Variants in SYN2 observed in about 807,000 individuals in gnomAD.
The protein encoded by SYN2 is synapsin-2.
SYN2 carries 19 observed loss-of-function variants against 50.9 expected under a neutral mutation model. That is an observed-to-expected ratio of 0.37 (90% CI 0.26 to 0.55). The LOEUF (loss-of-function observed/expected upper bound fraction) is 0.55, where lower values mean the gene tolerates loss of function less well. Ranked by LOEUF, SYN2 falls within the 20% of genes least tolerant of loss-of-function variation. SYN2 has a pLI of 0.81. For missense variants in SYN2, 587 were observed against 576.4 expected (o/e 1.02, Z -0.19); for synonymous variants, 255 against 224.9 (o/e 1.13, Z -1.20).
Position 12,191,959 on chromosome 3 carries a change from C to T in SYN2, c.*1334C>T, listed in dbSNP as rs1574901331. Among the ~76,000 whole-genome samples the T allele has an allele frequency of 6.6e-6, 1 of 152,134 alleles. No homozygotes were observed. Among genetic ancestry groups the T allele is most frequent in the Non-Finnish European group, 1.5e-5 (1 of 68,024 alleles). ...ACTCCCTGATACTCAAGTATATTTT[C>T]CCAAAGACCACGGATGCTGTGAAGA... On this transcript the variant is annotated 3_prime_UTR_variant, in exon 13 of 13. Transcript: ENST00000621198.
At chr3:12,027,166 A>G (rs574277549) in intron 1 of SYN2, among the ~76,000 whole-genome samples, 1 of 152,346 alleles carries the variant, frequency 6.6e-6, no homozygotes, top group Admixed American at 6.5e-5. Flanking sequence ...GTGAAAAATT[A>G]GAGTCAGCTT....
chr3:12,187,739 G>T lies in SYN2; in HGVS notation c.1613+127G>T, dbSNP rs111363783. 2,014 of 483,916 alleles carry T rather than the reference G, an allele frequency of 4.2e-3. 1 individual carries two copies. The highest frequency in any genetic ancestry group is 9.0e-3 in the Middle Eastern group (14 of 1,562). The allele number at this position is 483,916 out of a possible 1,614,324, so 30.0% of individuals were successfully genotyped here. On this transcript the variant is annotated intron_variant, in intron 12 of 12. Coordinates refer to ENST00000621198, the MANE Select transcript of SYN2 (RefSeq NM_133625.6). ...TACAGATATTTTGTGATGGGATTTGGTTTTTTTTTGTTAGTTTGTTTTTGG... is the reference window on the plus strand; with the variant it reads ...TACAGATATTTTGTGATGGGATTTGTTTTTTTTTTGTTAGTTTGTTTTTGG...
chr3:12,180,197 C>T lies in SYN2; in HGVS notation c.1309-3115C>T, dbSNP rs186921654. ...CTCCTGGGCTCAAGTGATCCACGCA[C>T]CTCGGCCTCCCACAGTGTTGGGATT... On this transcript the variant is annotated intron_variant, in intron 10 of 12. Coordinates refer to ENST00000621198, the MANE Select transcript of SYN2 (RefSeq NM_133625.6). Among the ~76,000 whole-genome samples, 431 of 151,998 alleles carry T rather than the reference C, an allele frequency of 2.8e-3. 6 individuals carry two copies. Among genetic ancestry groups the T allele is most frequent in the African/African-American group, 0.01 (416 of 41,452 alleles).
At chr3:12,189,675 C>T (rs1160150819) in intron 12 of SYN2, among the ~76,000 whole-genome samples, 1 of 152,156 alleles carries the variant, frequency 6.6e-6, no homozygotes, top group African/African-American at 2.4e-5. Flanking sequence ...TGGTGGCAAC[C>T]ATCTGTAGTC....
chr3:12,128,459 G>T (rs545046761), intron 1 of SYN2, among the ~76,000 whole-genome samples: 15 of 152,274 alleles, frequency 9.9e-5, no homozygotes, highest in Admixed American at 9.2e-4. Context: ...GTTTGATCTT[G>T]AACTTGTCAA....
At chr3:12,184,883 G>C (rs936530600) in intron 11 of SYN2, 14 of 985,558 alleles carry the variant, frequency 1.4e-5, no homozygotes, top group Non-Finnish European at 1.7e-5. Flanking sequence ...GCTTGCCTTT[G>C]AGAAGAAATG....
chr3:12,180,559 T>C (rs1698198701), intron 10 of SYN2, among the ~76,000 whole-genome samples: 1 of 152,166 alleles, frequency 6.6e-6, no homozygotes, highest in African/African-American at 2.4e-5. Context: ...GACAGCAGGC[T>C]TGTAGGTGGA....
At chr3:12,105,077 C>T (rs985773371) in intron 1 of SYN2, among the ~76,000 whole-genome samples, 1 of 152,102 alleles carries the variant, frequency 6.6e-6, no homozygotes, top group African/African-American at 2.4e-5. Context: ...CAGACCATGC[C>T]ATGAGTTGAG....
intron 5 of SYN2, chr3:12,158,590 CG>C (rs1013140874): frequency 6.7e-7 from 1 of 1,484,960 alleles, no homozygotes; most frequent in Non-Finnish European, 9.1e-7. Flanking sequence ...AAGAGACAAC[CG>C]GTAAGAATTT....
intron 1 of SYN2, among the ~76,000 whole-genome samples, chr3:12,082,550 G>T (rs1006354241): frequency 1.3e-5 from 2 of 152,192 alleles, no homozygotes; most frequent in Non-Finnish European, 2.9e-5. Flanking sequence ...TATTAGGAAG[G>T]CCTTTCCAAA....
At chr3:12,154,184 A>T in intron 5 of SYN2, 1 of 1,271,062 alleles carries the variant, frequency 7.9e-7, no homozygotes, top group Non-Finnish European at 1.1e-6. Flanking sequence ...ATCAGGGCCT[A>T]TAGACTGTAT....
rs545520459 is a variant in SYN2, at chr3:12,139,316, C to T, written c.378-1335C>T. 3.3e-5 allele frequency among the ~76,000 whole-genome samples: 5 copies of T among 152,208 alleles called. No homozygotes were observed. The East Asian group carries it at 9.7e-4, about 29-fold the overall frequency. ...GGACTAATGCTCACATCATTAAGTC[C>T]CTTGTGAGTGGAAGAAGGAAAATGG... On this transcript the variant is annotated intron_variant, in intron 1 of 12. Coordinates refer to ENST00000621198, the MANE Select transcript of SYN2 (RefSeq NM_133625.6).
intron 1 of SYN2, among the ~76,000 whole-genome samples, chr3:12,065,753 A>G (rs576946179): frequency 3.9e-5 from 6 of 152,174 alleles, no homozygotes; most frequent in Non-Finnish European, 5.9e-5. Flanking sequence ...GTTGAGTACT[A>G]TGCTCACTAC....
intron 1 of SYN2, among the ~76,000 whole-genome samples, chr3:12,035,327 T>A (rs1694475745): frequency 6.6e-6 from 1 of 152,180 alleles, no homozygotes; most frequent in Non-Finnish European, 1.5e-5. Flanking sequence ...CCTGCAGCTC[T>A]CTCAGGCCAG....
intron 10 of SYN2, among the ~76,000 whole-genome samples, chr3:12,171,920 T>G (rs1238580096): frequency 2.6e-5 from 4 of 152,200 alleles, no homozygotes; most frequent in Admixed American, 2.6e-4. Context: ...AAACATTAAG[T>G]GTTGTAGCTT....
intron 1 of SYN2, among the ~76,000 whole-genome samples, chr3:12,014,068 C>T (rs1156567332): frequency 6.6e-6 from 1 of 152,130 alleles, no homozygotes; most frequent in Non-Finnish European, 1.5e-5. Context: ...TCTATGCCCC[C>T]TCCATGCCCT....
intron 10 of SYN2, among the ~76,000 whole-genome samples, chr3:12,172,493 G>T (rs1489417544): frequency 6.6e-6 from 1 of 152,218 alleles, no homozygotes; most frequent in African/African-American, 2.4e-5. Context: ...GCCAAAGGAA[G>T]ATGTGTAGAG....
intron 2 of SYN2, among the ~76,000 whole-genome samples, chr3:12,141,029 G>A (rs902910571): frequency 1.3e-5 from 2 of 152,066 alleles, no homozygotes; most frequent in African/African-American, 4.8e-5. Context: ...CCAGAATATT[G>A]CACGTTACCT....
chr3:12,127,982 G>A (rs1225254150), intron 1 of SYN2, among the ~76,000 whole-genome samples: 1 of 151,660 alleles, frequency 6.6e-6, no homozygotes, highest in African/African-American at 2.4e-5. Context: ...ATCTCACTCT[G>A]TTGCCCAGGC....
Sources: allele counts gnomAD v4.1 joint callset (sites outside exome capture counted in the v4.1 genomes callset), GRCh38; gene constraint gnomAD v4.1.1; transcripts MANE v1.5; gene names NCBI Gene and HGNC (gene_info 2026-07-23, HGNC 2026-07-21).